Variants in AKR1C8 observed in about 807,000 individuals in gnomAD.
AKR1C8 encodes aldo-keto reductase family 1 member C-like protein 1.
chr10:5,178,959 G>A, the AKR1C8 span, among the ~76,000 whole-genome samples: 2 of 152,056 alleles, frequency 1.3e-5, no homozygotes, highest in Admixed American at 1.3e-4. Context: ...CTTTTAATTG[G>A]AGCATTTAGT....
the AKR1C8 span, among the ~76,000 whole-genome samples, chr10:5,118,167 A>G: frequency 6.6e-6 from 1 of 152,338 alleles, no homozygotes; most frequent in East Asian, 1.9e-4. Flanking sequence ...ATTTACTTCC[A>G]AAGTACAACC....
the AKR1C8 span, among the ~76,000 whole-genome samples, chr10:5,151,821 T>G: frequency 6.6e-6 from 1 of 152,276 alleles, no homozygotes; most frequent in South Asian, 2.1e-4. Flanking sequence ...CCTCCCAAAG[T>G]GCTGGGATTA....
the AKR1C8 span, among the ~76,000 whole-genome samples, chr10:5,176,352 C>G: frequency 2.8e-5 from 4 of 140,806 alleles, no homozygotes; most frequent in Non-Finnish European, 4.7e-5. Context: ...TGTTTTGGTA[C>G]CAGTACCATG....
At chr10:5,158,947 T>C in the AKR1C8 span, among the ~76,000 whole-genome samples, 1 of 152,194 alleles carries the variant, frequency 6.6e-6, no homozygotes, top group Non-Finnish European at 1.5e-5. Flanking sequence ...AAATACCTTG[T>C]GCCCCAATTA....
At chr10:5,167,146 G>A in the AKR1C8 span, among the ~76,000 whole-genome samples, 1 of 152,188 alleles carries the variant, frequency 6.6e-6, no homozygotes, top group Non-Finnish European at 1.5e-5. Context: ...AGGTGCTGGA[G>A]AGGATGTGGA....
At chr10:5,138,025 T>C in the AKR1C8 span, among the ~76,000 whole-genome samples, 1 of 151,424 alleles carries the variant, frequency 6.6e-6, no homozygotes, top group Non-Finnish European at 1.5e-5. Context: ...CCAACAAAGA[T>C]CATAAGGCAA....
At chr10:5,151,554 T>TG in the AKR1C8 span, among the ~76,000 whole-genome samples, 3 of 123,990 alleles carry the variant, frequency 2.4e-5, no homozygotes, top group Non-Finnish European at 5.0e-5. Flanking sequence ...TTCTTCCCTT[T>TG]GGGTTTTTTT....
the AKR1C8 span, among the ~76,000 whole-genome samples, chr10:5,116,141 G>T: frequency 6.6e-6 from 1 of 152,102 alleles, no homozygotes; most frequent in Non-Finnish European, 1.5e-5. Flanking sequence ...ACGCCCTAAT[G>T]CATACTCTTC....
the AKR1C8 span, chr10:5,132,775 G>A: frequency 1.6e-6 from 2 of 1,278,570 alleles, no homozygotes; most frequent in Non-Finnish European, 2.2e-6. Context: ...GGAACCCGGA[G>A]GAGTAATGAA....
chr10:5,126,559 G>A, the AKR1C8 span, among the ~76,000 whole-genome samples: 6 of 152,042 alleles, frequency 3.9e-5, no homozygotes, highest in Non-Finnish European at 7.4e-5. Flanking sequence ...ACTACAAATG[G>A]TTCCTATCCA....
chr10:5,157,707 G>A, the AKR1C8 span: 2 of 472,780 alleles, frequency 4.2e-6, no homozygotes, highest in East Asian at 6.9e-5. Context: ...GCAGCTGGTA[G>A]CGCAGGGCGA....
At chr10:5,161,447 G>C in the AKR1C8 span, among the ~76,000 whole-genome samples, 2 of 152,186 alleles carry the variant, frequency 1.3e-5, no homozygotes, top group African/African-American at 4.8e-5. Context: ...TTGGGCTGAA[G>C]GGTACATACG....
chr10:5,159,008 A>C, the AKR1C8 span, among the ~76,000 whole-genome samples: 183 of 152,280 alleles, frequency 1.2e-3, 1 homozygote, highest in African/African-American at 4.3e-3. Flanking sequence ...CCTTAGAGGA[A>C]GGGCATATTC....
chr10:5,164,112 G>A, the AKR1C8 span, among the ~76,000 whole-genome samples: 3 of 152,198 alleles, frequency 2.0e-5, no homozygotes, highest in East Asian at 5.8e-4. Flanking sequence ...CTGGGCCAAG[G>A]TCCTTGGTCA....
the AKR1C8 span, among the ~76,000 whole-genome samples, chr10:5,128,324 A>AC: frequency 6.6e-6 from 1 of 152,176 alleles, no homozygotes; most frequent in African/African-American, 2.4e-5. Flanking sequence ...CCACAATGGA[A>AC]CCTCCTGAAA....
chr10:5,170,579 T>C, the AKR1C8 span, among the ~76,000 whole-genome samples: 2 of 152,142 alleles, frequency 1.3e-5, no homozygotes, highest in East Asian at 3.9e-4. Flanking sequence ...GAATTTCTCT[T>C]CTCTTTGAGG....
chr10:5,166,351 C>A, the AKR1C8 span, among the ~76,000 whole-genome samples: 1 of 152,238 alleles, frequency 6.6e-6, no homozygotes, highest in East Asian at 1.9e-4. Context: ...GCCAAAAAAA[C>A]AAAGCTGGAG....
At chr10:5,177,991 C>G in the AKR1C8 span, among the ~76,000 whole-genome samples, 1 of 152,090 alleles carries the variant, frequency 6.6e-6, no homozygotes. Context: ...CAGTTCTGCT[C>G]TGATTTTAGT....
At chr10:5,159,547 A>G in the AKR1C8 span, among the ~76,000 whole-genome samples, 5 of 152,086 alleles carry the variant, frequency 3.3e-5, no homozygotes, top group African/African-American at 7.2e-5. Flanking sequence ...TTTCCCTAGG[A>G]GAACAAATCC....
Sources: gnomAD v4.1 joint callset for allele counts (sites outside exome capture counted in the v4.1 genomes callset) on GRCh38, gnomAD v4.1.1 for gene constraint, MANE v1.5 for transcripts, NCBI Gene and HGNC (gene_info 2026-07-23, HGNC 2026-07-21) for gene names.